Variants in TLN1 observed in about 807,000 individuals in gnomAD.
TLN1 encodes talin 1.
TLN1 carries 56 observed loss-of-function variants against 292.3 expected under a neutral mutation model. The observed-to-expected ratio is 0.19, with a 90% confidence interval of 0.15 to 0.24. The LOEUF (loss-of-function observed/expected upper bound fraction) is 0.24. TLN1 is among the 10% of genes least tolerant of loss of function. TLN1 has a pLI of 1.00. For missense variants in TLN1, 2,433 were observed against 3,248.2 expected, an observed-to-expected ratio of 0.75 and a Z score of 6.10; for synonymous variants, 1,119 against 1,253.7, an observed-to-expected ratio of 0.89 and a Z score of 2.27.
intron 1 of TLN1, among the ~76,000 whole-genome samples, chr9:35,729,336 A>C (rs963880623): frequency 6.6e-6 from 1 of 152,246 alleles, no homozygotes; most frequent in Non-Finnish European, 1.5e-5. Flanking sequence ...AAGATGGAGA[A>C]GCAGTAAATC....
chr9:35,701,705 C>T (rs994283547), intron 48 of TLN1, among the ~76,000 whole-genome samples: 3 of 152,050 alleles, frequency 2.0e-5, no homozygotes, highest in African/African-American at 7.2e-5. Context: ...ATGGTTTGGA[C>T]AGTGTGGTAG....
intron 48 of TLN1, among the ~76,000 whole-genome samples, chr9:35,700,777 A>C (rs1367225685): frequency 1.3e-5 from 2 of 152,230 alleles, no homozygotes; most frequent in African/African-American, 4.8e-5. Context: ...GGGGACTTGA[A>C]TATCACACCG....
chr9:35,712,617 C>T (rs1449370365), intron 27 of TLN1, among the ~76,000 whole-genome samples: 2 of 144,836 alleles, frequency 1.4e-5, no homozygotes, highest in Non-Finnish European at 3.0e-5. Context: ...CATTGCACTC[C>T]AGCCTGGGCA....
rs1175943762 is a variant in TLN1, at chr9:35,711,807, G to T, written c.3682-15C>A. 1 of 1,613,814 alleles carries T rather than the reference G, an allele frequency of 6.2e-7. No homozygotes were observed. Among genetic ancestry groups the T allele is most frequent in the Admixed American group, 1.7e-5 (1 of 60,020 alleles). The stretch of plus-strand genomic sequence containing the variant: ...CTAGGAGGAAGCTGCAAGGTGAGAG[G>T]GGAAGTCAGACAGAAGAGTGGGGAA... On this transcript the variant is annotated splice_polypyrimidine_tract_variant and intron_variant, in intron 28 of 56. Coordinates refer to ENST00000314888, the MANE Select transcript of TLN1 (RefSeq NM_006289.4).
chr9:35,719,332 G>T lies in TLN1; in HGVS notation c.1688-50C>A, dbSNP rs752240881. 6.4e-7 allele frequency: 1 copy of T among 1,572,110 alleles called. No individual in the cohort carries two copies. The highest frequency in any genetic ancestry group is 8.7e-7 in the Non-Finnish European group (1 of 1,148,770). On this transcript the variant is annotated intron_variant, in intron 15 of 56. Transcript: ENST00000314888. This position sits in a 1 kb window ranked among gnomAD's most constrained non-coding sequence, Gnocchi z 4.6. ...ACATGAGAGACAGGGCAGGCCAGAC[G>T]AAGGGCTGGGGAGGGAGCAAAGTCA... is the stretch of plus-strand genomic sequence containing the variant.
In TLN1 at chr9:35,720,102, G is replaced by A. The variant is rs1825855310; in HGVS notation, c.1401C>T (p.Ser467=). ...TAATCTGCTGCTGGGCAGGGGGCAT[G>A]CTGCCCACCTGGAAATTCTCAGGAC... ...ASGPENFQVG[S]MPPAQQQITS... is the part of the protein sequence containing the mutation. Residue 467 remains serine (S), a synonymous_variant, in exon 13 of 57, where the codon AGC becomes AGT. Transcript: ENST00000314888. 2 of 1,611,498 alleles carry A rather than the reference G, an allele frequency of 1.2e-6. No homozygotes were observed. Among genetic ancestry groups the A allele is most frequent in the Non-Finnish European group, 1.7e-6 (2 of 1,178,846 alleles).
At chr9:35,723,139 T>C in intron 7 of TLN1, 1 of 407,578 alleles carries the variant, frequency 2.5e-6, no homozygotes, top group South Asian at 2.4e-5. Context: ...TTCACTCTTG[T>C]TGCCCAGGCT....
chr9:35,720,055 C>G lies in TLN1; in HGVS notation c.1448G>C (p.Gly483Ala), dbSNP rs1230355297. The part of the protein sequence containing the change: ...QQITSGQMHR[G>A]HMPPLTSAQQ... ...GACACTTACCAGAGGAGGCATGTGT[C>G]CTCGGTGCATCTGGCCGCTGGTAAT... The change falls in exon 13 of 57, where the codon GGA (glycine) becomes GCA (alanine). Residue 483 changes from glycine (G) to alanine (A), a missense_variant. By Grantham distance (60) the Gly-to-Ala change is moderately conservative. This residue lies in a region of TLN1 where 617 missense variants were observed against 770.6 expected (regional missense o/e 0.80). Coordinates refer to ENST00000314888, the MANE Select transcript of TLN1 (RefSeq NM_006289.4). 7 of 1,593,112 alleles carry G rather than the reference C, an allele frequency of 4.4e-6. No individual in the cohort carries two copies. Among genetic ancestry groups the G allele is most frequent in the Middle Eastern group, 1.7e-4 (1 of 5,890 alleles).
intron 3 of TLN1, 29 bp downstream of exon 3, chr9:35,725,195 G>A (rs1022056556): frequency 3.0e-5 from 49 of 1,609,300 alleles, no homozygotes; most frequent in Non-Finnish European, 4.1e-5. Context: ...GGAAGGGGAT[G>A]TGGTGGTCCT....
At position 35,717,469 on chromosome 9, in the gene TLN1, A is replaced by T. The variant is rs751450581; in HGVS notation, c.2164-29T>A. 6.2e-7 allele frequency: 1 copy of T among 1,602,118 alleles called. No homozygotes were observed. The highest frequency in any genetic ancestry group is 8.5e-7 in the Non-Finnish European group (1 of 1,171,488). ...TAGGTAAAGTGAATGTCAGAGACGT[A>T]GGCAAGGGAAAGGAGGTAGAGTATG... On this transcript the variant is annotated intron_variant, in intron 18 of 56. Transcript: ENST00000314888. This position sits in a 1 kb window ranked among gnomAD's most constrained non-coding sequence, Gnocchi z 4.7.
chr9:35,713,783 GGA>G lies in TLN1; in HGVS notation c.3249+168_3249+169del, dbSNP rs1022877808. 7.9e-5 allele frequency among the ~76,000 whole-genome samples: 11 copies of G among 139,728 alleles called. No homozygotes were observed. The East Asian group carries it at 2.1e-3, about 26-fold the overall frequency. 91.7% of individuals were successfully genotyped at this position (139,728 alleles called of 152,430 possible). On this transcript the variant is annotated intron_variant, in intron 25 of 56. Transcript: ENST00000314888. The stretch of plus-strand genomic sequence containing the variant: ...AAGAAAGGAAGGAAGAAAGAAGGAA[GGA>G]GAGAGAAAGAGAAAGAAAAAAGGAA...
At chr9:35,716,774 A>T (rs1248349428) in intron 19 of TLN1, among the ~76,000 whole-genome samples, 1 of 152,066 alleles carries the variant, frequency 6.6e-6, no homozygotes, top group African/African-American at 2.4e-5. Context: ...CTTACGGGAG[A>T]AGGACAGTCT....
At chr9:35,723,015 A>G in intron 7 of TLN1, 94 bp from the exon 8 acceptor site, 1 of 1,043,750 alleles carries the variant, frequency 9.6e-7, no homozygotes, top group South Asian at 1.3e-5. Context: ...GGAAATACCT[A>G]GGACAGTGTT....
At chr9:35,710,967 C>T in intron 31 of TLN1, 22 bp downstream of exon 31, 1 of 1,614,120 alleles carries the variant, frequency 6.2e-7, no homozygotes, top group South Asian at 1.1e-5. Context: ...ACCTCAATGC[C>T]ATCAGCCTGC....
chr9:35,707,132 AC>A lies in TLN1; in HGVS notation c.4894del (p.Val1632CysfsTer16), dbSNP rs775708896. 6.2e-7 allele frequency: 1 copy of A among 1,611,986 alleles called. No homozygotes were observed. The highest frequency in any genetic ancestry group is 8.5e-7 in the Non-Finnish European group (1 of 1,179,498). ...GACAGTACGGGAGTGGCCGGCCAGCACCGACCAGCTCGGGGGGTCCCGGGGA... is the reference window on the plus strand; with the variant it reads ...GACAGTACGGGAGTGGCCGGCCAGCACGACCAGCTCGGGGGGTCCCGGGGA... ...VNPRDPPSWS[V>X]LAGHSRTVSD... On this transcript the variant is annotated frameshift_variant, in exon 37 of 57. Transcript: ENST00000314888. LOFTEE classifies it high-confidence loss of function. This position sits in a 1 kb window ranked among gnomAD's most constrained non-coding sequence, Gnocchi z 5.6.
Position 35,724,135 on chromosome 9 carries a change from A to G in TLN1, c.655-56T>C. ...TGTGTGTGGGTGCAAGGACACGCAC[A>G]CTGTGCTTCCGAGCCCTCCCTATTC... On this transcript the variant is annotated intron_variant, in intron 6 of 56. Transcript: ENST00000314888. The surrounding 1 kb of genome is among the most constrained non-coding windows in gnomAD (Gnocchi z 4.7). The G allele has an allele frequency of 5.0e-6, 8 of 1,613,544 alleles. No homozygotes were observed. Among genetic ancestry groups the G allele is most frequent in the African/African-American group, 1.3e-5 (1 of 75,026 alleles).
chr9:35,720,308 T>C, intron 12 of TLN1, 89 bp from the exon 13 acceptor site: 4 of 1,528,896 alleles, frequency 2.6e-6, no homozygotes, highest in Non-Finnish European at 3.5e-6. Flanking sequence ...GTGTGTGAGG[T>C]CTCACTACAG....
In TLN1 at chr9:35,707,144, G is replaced by C. The variant is rs372348691; in HGVS notation, c.4883C>G (p.Pro1628Arg). The C allele has an allele frequency of 6.2e-7, 1 of 1,609,770 alleles. No homozygotes were observed. ...GTGGCCGGCCAGCACCGACCAGCTC[G>C]GGGGGTCCCGGGGATTGACTGCGAG... ...RALAVNPRDP[P>R]SWSVLAGHSR... Residue 1628 changes from proline to arginine, a missense_variant, in exon 37 of 57, where the codon CCG (proline) becomes CGG (arginine). Transcript: ENST00000314888. The surrounding 1 kb of genome is among the most constrained non-coding windows in gnomAD (Gnocchi z 5.6).
Position 35,719,095 on chromosome 9 carries a change from A to C in TLN1, c.1875T>G (p.Ser625Arg), listed in dbSNP as rs1261826285. The C allele has an allele frequency of 1.9e-6, 3 of 1,613,184 alleles. No homozygotes were observed. The highest frequency in any genetic ancestry group is 1.3e-5 in the African/African-American group (1 of 74,916). Residue 625 changes from serine to arginine, a missense_variant, in exon 16 of 57, where the codon AGT becomes AGG. This residue lies in a region of TLN1 where 617 missense variants were observed against 770.6 expected (regional missense o/e 0.80). Coordinates refer to ENST00000314888, the MANE Select transcript of TLN1 (RefSeq NM_006289.4). This position sits in a 1 kb window ranked among gnomAD's most constrained non-coding sequence, Gnocchi z 4.6. Reference sequence around the variant, plus strand: ...TGACCTCAGCACTGGCTGGTTGGGCACTGCGCAGCAGTTCTGACACTGCTC... The same window carrying C: ...TGACCTCAGCACTGGCTGGTTGGGCCCTGCGCAGCAGTTCTGACACTGCTC... ...LAGAVSELLRSAQPASAEPRQ... is the reference protein window; with the variant it reads ...LAGAVSELLRRAQPASAEPRQ...
Sources: gnomAD v4.1 joint callset for allele counts (sites outside exome capture counted in the v4.1 genomes callset) on GRCh38, gnomAD v4.1.1 for gene constraint, gnomAD v4.1.1 regional missense constraint, Gnocchi (gnomAD v3.1) non-coding constraint, MANE v1.5 for transcripts, NCBI Gene and HGNC (gene_info 2026-07-23, HGNC 2026-07-21) for gene names.